EMILIN2: variants seen among roughly 807,000 people sequenced by gnomAD.
EMILIN2 encodes the protein elastin microfibril interfacer 2.
EMILIN2 carries 71 observed loss-of-function variants against 87.1 expected under a neutral mutation model. The observed-to-expected ratio is 0.82, with a 90% CI of 0.67 to 0.99. The LOEUF (loss-of-function observed/expected upper bound fraction) is 0.99, where lower values mean the gene tolerates loss of function less well. Among genes scored for constraint, EMILIN2 ranks in the 50% least tolerant of loss-of-function variants. The pLI is 0.00. For missense variants in EMILIN2, 1,407 were observed against 1,371.8 expected (o/e 1.03, Z -0.40); for synonymous variants, 581 against 563.4 (o/e 1.03, Z -0.44).
chr18:2,915,387 GAAC>G lies in EMILIN2; in HGVS notation c.*1989_*1991del, dbSNP rs1356472435. 1.3e-5 allele frequency: 2 copies of G among 152,196 alleles called. No individual in the cohort carries two copies. Among genetic ancestry groups the G allele is most frequent in the Admixed American group, 6.5e-5 (1 of 15,282 alleles). 9.4% of individuals were successfully genotyped at this position (152,196 alleles called of 1,614,324 possible). A position where few individuals can be genotyped will look rare whatever the true frequency, so the allele number is the denominator to read the frequency against. On this transcript the variant is annotated 3_prime_UTR_variant, in exon 8 of 8. Transcript: ENST00000254528. ...AGGCTGTCTTTTTGTACAGGTAGTA[GAAC>G]AACAAGGTCAGCTGAGCTTAAGGCT...
chr18:2,915,476 TC>T lies in EMILIN2; in HGVS notation c.*2073del, dbSNP rs1315722573. On this transcript the variant is annotated 3_prime_UTR_variant, in exon 8 of 8. Coordinates refer to ENST00000254528, the MANE Select transcript of EMILIN2 (RefSeq NM_032048.3). The stretch of plus-strand genomic sequence containing the variant: ...CCCTGAAGTAGTGCCTGCGAGTCAG[TC>T]AGAGGCATACCAAACCCTGAGACAG... The T allele has an allele frequency of 6.6e-6, 1 of 151,366 alleles. No homozygotes were observed. The highest frequency in any genetic ancestry group is 1.5e-5 in the Non-Finnish European group (1 of 68,016). 9.4% of individuals were successfully genotyped at this position (151,366 alleles called of 1,614,324 possible). A position where few individuals can be genotyped will look rare whatever the true frequency, so the allele number is the denominator to read the frequency against.
chr18:2,913,154 C>T lies in EMILIN2; in HGVS notation c.2912C>T (p.Ser971Leu), dbSNP rs771087767. 6 of 1,613,910 alleles carry T rather than the reference C, an allele frequency of 3.7e-6. No individual in the cohort carries two copies. The highest frequency in any genetic ancestry group is 4.2e-6 in the Non-Finnish European group (5 of 1,180,036). The change falls in exon 8 of 8, where the codon TCG becomes TTG. Residue 971 changes from serine (S) to leucine (L), a missense_variant. Coordinates refer to ENST00000254528, the MANE Select transcript of EMILIN2 (RefSeq NM_032048.3). ...ERDAYVEAVLSVSNASVAQLH... is the reference protein window; with the variant it reads ...ERDAYVEAVLLVSNASVAQLH... The stretch of plus-strand genomic sequence containing the variant: ...GACGCCTACGTGGAAGCAGTGCTGT[C>T]GGTCTCCAACGCCAGCGTGGCCCAG...
intron 2 of EMILIN2, among the ~76,000 whole-genome samples, chr18:2,854,082 C>T (rs188273029): frequency 6.6e-6 from 1 of 152,254 alleles, no homozygotes; most frequent in East Asian, 1.9e-4. Flanking sequence ...AGAGGTGAGG[C>T]AGGATTATTC....
intron 4 of EMILIN2, chr18:2,906,080 G>C (rs1024353929): frequency 6.6e-6 from 1 of 152,342 alleles, no homozygotes; most frequent in Non-Finnish European, 1.5e-5. Flanking sequence ...GTTTCTTGGC[G>C]AGCGGGTCCC....
intron 2 of EMILIN2, among the ~76,000 whole-genome samples, chr18:2,864,310 T>C (rs2076675507): frequency 6.6e-6 from 1 of 152,234 alleles, no homozygotes; most frequent in Non-Finnish European, 1.5e-5. Flanking sequence ...AGTTTCTTCC[T>C]AGCCTTGATG....
rs536197938 is a variant in EMILIN2, at chr18:2,908,166, C to T, written c.2663-777C>T. Among the ~76,000 whole-genome samples the T allele has an allele frequency of 1.4e-4, 21 of 152,332 alleles. 1 individual carries two copies. The South Asian group carries it at 3.5e-3, about 26-fold the overall frequency. On this transcript the variant is annotated intron_variant, in intron 5 of 7. Transcript: ENST00000254528. ...AGATAACACTTATCTTCTGTTAGTT[C>T]CATGTATCATGGATGCTTAGGCTCT...
chr18:2,860,283 A>C (rs973578736), intron 2 of EMILIN2, among the ~76,000 whole-genome samples: 5 of 151,928 alleles, frequency 3.3e-5, no homozygotes, highest in African/African-American at 1.2e-4. Flanking sequence ...CATGTGCACA[A>C]TGTGTAGGTT....
At chr18:2,877,328 A>C (rs73369453) in intron 2 of EMILIN2, among the ~76,000 whole-genome samples, 4,006 of 152,192 alleles carry the variant, frequency 0.026, 180 homozygotes, top group African/African-American at 0.091. Flanking sequence ...TATAGCCTCT[A>C]CTGCCCAACA....
upstream of EMILIN2, chr18:2,846,894 G>A (rs2076576691): frequency 3.0e-6 from 3 of 989,002 alleles, no homozygotes; most frequent in Non-Finnish European, 3.6e-6. The surrounding 1 kb of genome is among the most constrained non-coding windows in gnomAD (Gnocchi z 5.3). Flanking sequence ...GGGGAGACTT[G>A]GTGGGGGGAG....
chr18:2,904,533 C>A (rs757424032), intron 4 of EMILIN2, among the ~76,000 whole-genome samples: 22 of 152,226 alleles, frequency 1.4e-4, no homozygotes, highest in Non-Finnish European at 2.9e-4. Context: ...TATCTACCAA[C>A]CCTTTCATGG....
At chr18:2,853,723 A>G (rs149608674) in intron 2 of EMILIN2, among the ~76,000 whole-genome samples, 1,984 of 152,304 alleles carry the variant, frequency 0.013, 43 homozygotes, top group African/African-American at 0.045. Context: ...CACACCTGGC[A>G]GCCCCTGGAG....
chr18:2,846,828 A>G (rs2076576338), upstream of EMILIN2: 5 of 985,216 alleles, frequency 5.1e-6, no homozygotes, highest in Non-Finnish European at 6.0e-6. This position sits in a 1 kb window ranked among gnomAD's most constrained non-coding sequence, Gnocchi z 5.3. Context: ...CCTTATCCCA[A>G]ACCCTTTCGC....
chr18:2,862,829 C>T (rs996801141), intron 2 of EMILIN2, among the ~76,000 whole-genome samples: 3 of 152,152 alleles, frequency 2.0e-5, no homozygotes, highest in Non-Finnish European at 4.4e-5. Context: ...TGGTAGAATA[C>T]AGCTGTGAAT....
At chr18:2,889,418 A>G (rs752654690) in intron 3 of EMILIN2, among the ~76,000 whole-genome samples, 1 of 152,020 alleles carries the variant, frequency 6.6e-6, no homozygotes, top group South Asian at 2.1e-4. Flanking sequence ...GACTACAGGC[A>G]TGAGCCATCA....
chr18:2,905,245 G>T lies in EMILIN2; in HGVS notation c.2360-1538G>T, dbSNP rs567829632. ...CATGGAACATTGGTCAGGAAAGGCTGTTGGAGAAACTGCCTCTCTCAGGGT... is the reference window on the plus strand; with the variant it reads ...CATGGAACATTGGTCAGGAAAGGCTTTTGGAGAAACTGCCTCTCTCAGGGT... On this transcript the variant is annotated intron_variant, in intron 4 of 7. Coordinates refer to ENST00000254528, the MANE Select transcript of EMILIN2 (RefSeq NM_032048.3). Among the ~76,000 whole-genome samples, 4 of 135,194 alleles carry T rather than the reference G, an allele frequency of 3.0e-5. No individual in the cohort carries two copies. The South Asian group carries it at 9.5e-4, about 32-fold the overall frequency. The allele number at this position is 135,194 out of a possible 152,430, so 88.7% of individuals were successfully genotyped here.
chr18:2,910,298 C>T (rs759468511), intron 7 of EMILIN2, among the ~76,000 whole-genome samples: 34 of 152,314 alleles, frequency 2.2e-4, no homozygotes, highest in South Asian at 1.5e-3. Flanking sequence ...CCCCAGAGGG[C>T]CTCATGCTCT....
At chr18:2,873,509 C>T (rs2143999347) in intron 2 of EMILIN2, among the ~76,000 whole-genome samples, 1 of 152,008 alleles carries the variant, frequency 6.6e-6, no homozygotes, top group East Asian at 1.9e-4. Flanking sequence ...AGATCGAGAC[C>T]ATCCTGGCTA....
In EMILIN2 at chr18:2,891,098, C is replaced by T. The variant is rs146858570; in HGVS notation, c.971C>T (p.Ala324Val). ...YQAYVDSKID[A>V]LREELMEGMD... ...GCCTATGTGGACAGTAAGATCGACG[C>T]CCTGAGAGAGGAGCTCATGGAGGGC... The change falls in exon 4 of 8, where the codon GCC (alanine) becomes GTC (valine). Residue 324 changes from alanine (A) to valine (V), a missense_variant. Coordinates refer to ENST00000254528, the MANE Select transcript of EMILIN2 (RefSeq NM_032048.3). This position sits in a 1 kb window ranked among gnomAD's most constrained non-coding sequence, Gnocchi z 4.6. 15 of 1,614,164 alleles carry T rather than the reference C, an allele frequency of 9.3e-6. No homozygotes were observed. Among genetic ancestry groups the T allele is most frequent in the African/African-American group, 1.3e-5 (1 of 75,038 alleles).
In EMILIN2 at chr18:2,885,164, G is replaced by A. The variant is rs761976658; in HGVS notation, c.433+25G>A. 3.9e-6 allele frequency: 6 copies of A among 1,552,710 alleles called. No homozygotes were observed. The Admixed American group carries it at 1.2e-4, about 31-fold the overall frequency. On this transcript the variant is annotated intron_variant, in intron 3 of 7. Transcript: ENST00000254528. ...GGTAACTTCTTATTTGTGCTATTAT[G>A]TATGGCCACCTTTAATATTTCCGGT...
Sources: allele counts gnomAD v4.1 joint callset (sites outside exome capture counted in the v4.1 genomes callset), GRCh38; gene constraint gnomAD v4.1.1; non-coding constraint Gnocchi (gnomAD v3.1); transcripts MANE v1.5; gene names NCBI Gene and HGNC (gene_info 2026-07-23, HGNC 2026-07-21).